Variants in TMEM128 observed in about 807,000 individuals in gnomAD.
TMEM128 encodes transmembrane protein 128.
In TMEM128, 16 loss-of-function variants were observed where a neutral mutation model predicts 19.7. The ratio of observed to expected loss-of-function variants is 0.81; its 90% CI spans 0.55 to 1.23. The LOEUF is 1.23. Ranked by LOEUF, TMEM128 falls within the 50% of genes most tolerant of loss-of-function variation. The pLI is 0.00. For missense variants in TMEM128, 237 were observed against 200.8 expected (o/e 1.18, Z -1.09); for synonymous variants, 98 against 75.8 (o/e 1.29, Z -1.52).
At chr4:4,247,596 G>C (rs1295243941) in intron 1 of TMEM128, 1 of 1,614,162 alleles carries the variant, frequency 6.2e-7, no homozygotes, top group Non-Finnish European at 8.5e-7. Flanking sequence ...TACATCACAA[G>C]TTACCTGTTT....
At chr4:4,243,175 G>T (rs1280279209) in intron 2 of TMEM128, among the ~76,000 whole-genome samples, 1 of 152,146 alleles carries the variant, frequency 6.6e-6, no homozygotes, top group Non-Finnish European at 1.5e-5. Flanking sequence ...CACCTGCTGG[G>T]TTCACGCCAT....
intron 2 of TMEM128, among the ~76,000 whole-genome samples, chr4:4,242,801 G>A (rs761606462): frequency 1.3e-5 from 2 of 152,026 alleles, no homozygotes; most frequent in Admixed American, 1.3e-4. Flanking sequence ...TTACAGGCAT[G>A]AGCCACCATG....
At position 4,236,170 on chromosome 4, in the gene TMEM128, G is replaced by T. The variant is rs1190974621; in HGVS notation, c.*96C>A. The T allele has an allele frequency of 2.7e-5, 4 of 150,768 alleles. No homozygotes were observed. Among genetic ancestry groups the T allele is most frequent in the Non-Finnish European group, 5.9e-5 (4 of 67,936 alleles). 9.3% of individuals were successfully genotyped at this position (150,768 alleles called of 1,614,324 possible). A position where few individuals can be genotyped will look rare whatever the true frequency, so the allele number is the denominator to read the frequency against. On this transcript the variant is annotated 3_prime_UTR_variant, in exon 5 of 5. Transcript: ENST00000382753. ...CCAGGCACGGTGGCGTGGGCCTGTA[G>T]TCCCAACTACTTCGAAGGCTGAGGC...
intron 2 of TMEM128, among the ~76,000 whole-genome samples, chr4:4,244,921 G>A (rs1362661091): frequency 6.6e-6 from 1 of 152,130 alleles, no homozygotes; most frequent in African/African-American, 2.4e-5. Context: ...TTCTCCCCTA[G>A]AAAGTAGAGG....
intron 2 of TMEM128, among the ~76,000 whole-genome samples, chr4:4,243,905 A>G (rs565303214): frequency 6.6e-6 from 1 of 152,142 alleles, no homozygotes; most frequent in Non-Finnish European, 1.5e-5. Flanking sequence ...ACAAATACAG[A>G]AGTTCTCTCA....
rs532172162 is a variant in TMEM128, at chr4:4,239,168, G to T, written c.398+1153C>A. On this transcript the variant is annotated intron_variant, in intron 3 of 4. Coordinates refer to ENST00000382753, the MANE Select transcript of TMEM128 (RefSeq NM_001297551.2). ...CCTTTGTGTTTTCATGTAATTTACA[G>T]ATTTTTTTTCCTCAGTGAGCAAGTA... Among the ~76,000 whole-genome samples the T allele has an allele frequency of 3.3e-5, 5 of 152,272 alleles. No homozygotes were observed. The South Asian group carries it at 1.0e-3, about 32-fold the overall frequency.
chr4:4,235,824 G>A lies in TMEM128; in HGVS notation c.*442C>T, dbSNP rs1433452055. On this transcript the variant is annotated 3_prime_UTR_variant, in exon 5 of 5. Coordinates refer to ENST00000382753, the MANE Select transcript of TMEM128 (RefSeq NM_001297551.2). ...TACAAGGAACTGCTATCCCTTAAAT[G>A]GAAGAGTGAACTACTTGTTTAAAAT... 1 of 152,586 alleles carries A rather than the reference G, an allele frequency of 6.6e-6. No homozygotes were observed. The highest frequency in any genetic ancestry group is 1.5e-5 in the Non-Finnish European group (1 of 68,030). 9.5% of individuals were successfully genotyped at this position (152,586 alleles called of 1,614,324 possible). A position where few individuals can be genotyped will look rare whatever the true frequency, so the allele number is the denominator to read the frequency against.
chr4:4,248,136 G>T lies in TMEM128; in HGVS notation c.67C>A (p.Gln23Lys). ...RFLLLPDAEA[Q>K]LDREGDAGPE... ...CCGGCGTCACCCTCGCGGTCCAGCT[G>T]GGCCTCGGCGTCCGGCAGGAGGAGG... The change falls in exon 1 of 5, where the codon CAG becomes AAG. Residue 23 changes from glutamine (Q) to lysine (K), a missense_variant. Gln to Lys is a moderately conservative substitution (Grantham distance 53). Transcript: ENST00000382753. 1 of 1,534,746 alleles carries T rather than the reference G, an allele frequency of 6.5e-7. No homozygotes were observed. Among genetic ancestry groups the T allele is most frequent in the Non-Finnish European group, 8.8e-7 (1 of 1,142,822 alleles).
At position 4,246,112 on chromosome 4, in the gene TMEM128, G is replaced by A. The variant is rs188127170; in HGVS notation, c.239+90C>T. ...ACACAGGGCCTGGCAGAGAGTAGTA[G>A]GTGCTTACTGTTTGAAGAATTCAAC... On this transcript the variant is annotated intron_variant, in intron 2 of 4. Coordinates refer to ENST00000382753, the MANE Select transcript of TMEM128 (RefSeq NM_001297551.2). 200 of 1,360,010 alleles carry A rather than the reference G, an allele frequency of 1.5e-4. 1 individual carries two copies. In the African/African-American group the frequency reaches 2.6e-3, roughly 18 times the overall value. The allele number at this position is 1,360,010 out of a possible 1,614,324, so 84.2% of individuals were successfully genotyped here.
intron 2 of TMEM128, among the ~76,000 whole-genome samples, chr4:4,241,141 G>A (rs1471221251): frequency 2.0e-5 from 3 of 152,182 alleles, no homozygotes; most frequent in African/African-American, 7.2e-5. Flanking sequence ...CTTTCTGGTT[G>A]TTTCTGAAGT....
At chr4:4,239,030 C>T (rs542223408) in intron 3 of TMEM128, among the ~76,000 whole-genome samples, 1 of 152,004 alleles carries the variant, frequency 6.6e-6, no homozygotes, top group South Asian at 2.1e-4. Context: ...CAGTGAGACC[C>T]TATCTCCAAA....
intron 1 of TMEM128, chr4:4,247,537 T>TA: frequency 6.2e-7 from 1 of 1,612,520 alleles, no homozygotes; most frequent in Non-Finnish European, 8.5e-7. Context: ...AACCACCACT[T>TA]ACAATTTCTA....
At chr4:4,247,362 G>A (rs1442437242) in intron 1 of TMEM128, among the ~76,000 whole-genome samples, 5 of 152,154 alleles carry the variant, frequency 3.3e-5, no homozygotes, top group Admixed American at 1.3e-4. Context: ...AATATTCTGG[G>A]ATATCCTCAA....
At chr4:4,237,662 T>A (rs1181250781) in intron 4 of TMEM128, among the ~76,000 whole-genome samples, 165 bp downstream of exon 4, 5 of 152,164 alleles carry the variant, frequency 3.3e-5, no homozygotes, top group Non-Finnish European at 5.9e-5. Context: ...AAGGAGTCTA[T>A]CTCAGAGTTC....
intron 2 of TMEM128, among the ~76,000 whole-genome samples, chr4:4,245,838 AT>A (rs1192316662): frequency 6.6e-6 from 1 of 152,142 alleles, no homozygotes; most frequent in African/African-American, 2.4e-5. Context: ...ACACACACAC[AT>A]TGTGAAATTA....
chr4:4,246,315 C>G lies in TMEM128; in HGVS notation c.126G>C (p.Glu42Asp). The G allele has an allele frequency of 6.2e-7, 1 of 1,610,912 alleles. No homozygotes were observed. The highest frequency in any genetic ancestry group is 8.5e-7 in the Non-Finnish European group (1 of 1,179,136). The change falls in exon 2 of 5, where the codon GAG becomes GAC. Residue 42 changes from glutamate to aspartate, a missense_variant. Transcript: ENST00000382753. ...GGATATTAAGTCTTGGAAGAGGTTT[C>G]TCCTTTTTCTCAACAGCTGTGGAGG... is the stretch of plus-strand genomic sequence containing the variant. ...PETSTAVEKK[E>D]KPLPRLNIHS... is the part of the protein sequence containing the mutation.
At chr4:4,245,800 G>A (rs1403159902) in intron 2 of TMEM128, among the ~76,000 whole-genome samples, 1 of 151,456 alleles carries the variant, frequency 6.6e-6, no homozygotes, top group Non-Finnish European at 1.5e-5. Context: ...ACATATATAT[G>A]AATATATATA....
chr4:4,239,840 C>A (rs935124534), intron 3 of TMEM128, among the ~76,000 whole-genome samples: 1 of 152,200 alleles, frequency 6.6e-6, no homozygotes, highest in South Asian at 2.1e-4. Flanking sequence ...AGTTCAAAAG[C>A]GTAGCTGAAA....
Position 4,237,866 on chromosome 4 carries a change from C to T in TMEM128, c.468G>A (p.Gly156=). The change falls in exon 4 of 5, where the codon GGG becomes GGA. Residue 156 remains glycine, a synonymous_variant. Transcript: ENST00000382753. ...TPLLLFTQFM[G]VVMFITLLG is the part of the protein sequence containing the mutation. ...CAAGGAGTGTGATAAACATGACAAC[C>T]CCCATAAACTGGGTAAACAACAACA... 1 of 1,611,782 alleles carries T rather than the reference C, an allele frequency of 6.2e-7. No homozygotes were observed. The highest frequency in any genetic ancestry group is 8.5e-7 in the Non-Finnish European group (1 of 1,178,554).
Sources: allele counts gnomAD v4.1 joint callset (sites outside exome capture counted in the v4.1 genomes callset), GRCh38; gene constraint gnomAD v4.1.1; transcripts MANE v1.5; gene names NCBI Gene and HGNC (gene_info 2026-07-23, HGNC 2026-07-21).